Variants in HEATR5B observed in about 807,000 individuals in gnomAD.
HEATR5B encodes HEAT repeat-containing protein 5B.
Under a neutral mutation model 224.1 loss-of-function variants are expected in HEATR5B, and 156 were observed. That is an observed-to-expected ratio of 0.70 (90% CI 0.61 to 0.80). The LOEUF (loss-of-function observed/expected upper bound fraction) is 0.80. HEATR5B is among the 30% of genes least tolerant of loss of function. The pLI is 0.00. For missense variants in HEATR5B, 2,323 were observed against 2,535.5 expected, an observed-to-expected ratio of 0.92 and a Z score of 1.80; for synonymous variants, 1,027 against 893.0, an observed-to-expected ratio of 1.15 and a Z score of -2.68.
intron 20 of HEATR5B, among the ~76,000 whole-genome samples, chr2:37,039,144 T>C (rs899761400): frequency 2.8e-5 from 4 of 143,714 alleles, no homozygotes; most frequent in Non-Finnish European, 4.5e-5. Context: ...CTGGGCAACA[T>C]AGTGAGACCC....
intron 16 of HEATR5B, among the ~76,000 whole-genome samples, chr2:37,054,326 C>CTGGG (rs1670755979): frequency 6.6e-6 from 1 of 151,282 alleles, no homozygotes. Flanking sequence ...TCCCGAGTAG[C>CTGGG]ATGCGCCACC....
intron 21 of HEATR5B, 73 bp from the exon 22 acceptor site, chr2:37,032,846 A>C (rs1368115622): frequency 6.6e-6 from 8 of 1,214,512 alleles, no homozygotes; most frequent in Non-Finnish European, 9.2e-6. Flanking sequence ...TGCCCAATGA[A>C]TATATATATA....
At chr2:37,050,393 C>T (rs1414084949) in intron 17 of HEATR5B, among the ~76,000 whole-genome samples, 3 of 152,148 alleles carry the variant, frequency 2.0e-5, no homozygotes, top group Admixed American at 2.0e-4. Flanking sequence ...CCCTAAGAGA[C>T]ACTTGCGGGG....
chr2:37,049,950 G>T, intron 17 of HEATR5B, 107 bp from the exon 18 acceptor site: 1 of 1,059,864 alleles, frequency 9.4e-7, no homozygotes, highest in Non-Finnish European at 1.3e-6. Flanking sequence ...GAGTGCAATG[G>T]CACAATCACT....
intron 26 of HEATR5B, 128 bp from the exon 27 acceptor site, chr2:37,014,148 A>G (rs1428385169): frequency 6.4e-6 from 3 of 471,308 alleles, no homozygotes; most frequent in African/African-American, 2.0e-5. Flanking sequence ...AAACTACCCA[A>G]TGCTATGCTT....
intron 35 of HEATR5B, among the ~76,000 whole-genome samples, chr2:36,984,997 T>C (rs1665850303): frequency 1.3e-5 from 2 of 152,196 alleles, no homozygotes; most frequent in Admixed American, 1.3e-4. Flanking sequence ...ATAATTCTAA[T>C]ATTTTTAGCT....
intron 22 of HEATR5B, among the ~76,000 whole-genome samples, chr2:37,029,993 G>C (rs1245100855): frequency 1.3e-5 from 2 of 150,598 alleles, no homozygotes; most frequent in Non-Finnish European, 3.0e-5. Context: ...AAAATCCAAA[G>C]AGTAACAACA....
At chr2:37,031,987 G>A (rs1669162484) in intron 22 of HEATR5B, among the ~76,000 whole-genome samples, 1 of 151,664 alleles carries the variant, frequency 6.6e-6, no homozygotes, top group South Asian at 2.1e-4. Flanking sequence ...CTCCAAAAAA[G>A]CAGAAAGAAC....
At position 37,007,397 on chromosome 2, in the gene HEATR5B, G is replaced by A. The variant is rs938400290; in HGVS notation, c.4523-93C>T. The A allele has an allele frequency of 1.1e-5, 15 of 1,339,786 alleles. No individual in the cohort carries two copies. In the African/African-American group the frequency reaches 2.0e-4, roughly 18 times the overall value. 83.0% of individuals were successfully genotyped at this position (1,339,786 alleles called of 1,614,324 possible). ...CTCGTTCTGTCGCCCAGGCTGGAGTGCAATGGTGCGATCTTGGCTCACTGC... is the reference window on the plus strand; with the variant it reads ...CTCGTTCTGTCGCCCAGGCTGGAGTACAATGGTGCGATCTTGGCTCACTGC... On this transcript the variant is annotated intron_variant, in intron 28 of 35. Transcript: ENST00000233099.
chr2:37,056,734 T>A (rs1670935773), intron 15 of HEATR5B, 119 bp from the exon 16 acceptor site: 1 of 817,664 alleles, frequency 1.2e-6, no homozygotes, highest in Non-Finnish European at 1.8e-6. Flanking sequence ...AAAAGAATGA[T>A]TGGATCCGAA....
chr2:37,044,204 C>A (rs1193323120), intron 18 of HEATR5B, among the ~76,000 whole-genome samples: 1 of 152,120 alleles, frequency 6.6e-6, no homozygotes, highest in Admixed American at 6.6e-5. Context: ...GTAGTGGCTG[C>A]CATATTGACA....
intron 33 of HEATR5B, among the ~76,000 whole-genome samples, chr2:36,998,985 C>A (rs1666906368): frequency 6.6e-6 from 1 of 152,090 alleles, no homozygotes; most frequent in African/African-American, 2.4e-5. Context: ...GAGGCCGAGG[C>A]AGGAGGATCA....
Position 37,079,419 on chromosome 2 carries a change from G to A in HEATR5B, c.127-88C>T, listed in dbSNP as rs953159908. On this transcript the variant is annotated intron_variant, in intron 2 of 35. Transcript: ENST00000233099. ...AAATAAAAAACACTTAACACTTAAG[G>A]CACTCTAATAATTAAAAATCTATAT... 6.3e-6 allele frequency: 4 copies of A among 633,816 alleles called. No homozygotes were observed. The African/African-American group carries it at 7.4e-5, about 12-fold the overall frequency. 39.3% of individuals were successfully genotyped at this position (633,816 alleles called of 1,614,324 possible). A position where few individuals can be genotyped will look rare whatever the true frequency, so the allele number is the denominator to read the frequency against.
chr2:37,082,480 C>G (rs1280277012), intron 2 of HEATR5B, among the ~76,000 whole-genome samples: 1 of 152,174 alleles, frequency 6.6e-6, no homozygotes, highest in Non-Finnish European at 1.5e-5. Context: ...AATAAAATCT[C>G]TGCAGCACTG....
At chr2:37,055,549 G>A (rs1396667356) in intron 16 of HEATR5B, among the ~76,000 whole-genome samples, 1 of 152,056 alleles carries the variant, frequency 6.6e-6, no homozygotes, top group Non-Finnish European at 1.5e-5. Context: ...AGATATTTGG[G>A]TAAAGTTTCA....
intron 35 of HEATR5B, among the ~76,000 whole-genome samples, chr2:36,988,100 T>G (rs1365046646): frequency 6.6e-6 from 1 of 150,812 alleles, no homozygotes; most frequent in African/African-American, 2.4e-5. Flanking sequence ...CTATTAAACA[T>G]CTATATTTTT....
intron 18 of HEATR5B, among the ~76,000 whole-genome samples, chr2:37,045,430 G>C (rs1670127889): frequency 6.6e-6 from 1 of 152,098 alleles, no homozygotes; most frequent in Non-Finnish European, 1.5e-5. Context: ...AGCTTTTTTA[G>C]GGTGGGTCAG....
At chr2:37,051,064 A>T (rs1256300880) in intron 17 of HEATR5B, among the ~76,000 whole-genome samples, 2 of 151,036 alleles carry the variant, frequency 1.3e-5, no homozygotes, top group East Asian at 3.9e-4. Flanking sequence ...TAAATAAACT[A>T]ACAAATGAGG....
chr2:37,080,884 G>A (rs535756006), intron 2 of HEATR5B, among the ~76,000 whole-genome samples: 106 of 152,168 alleles, frequency 7.0e-4, no homozygotes, highest in Non-Finnish European at 1.2e-3. Context: ...GGGAAGCCAC[G>A]AACAGGAAGA....
Sources: gnomAD v4.1 joint callset for allele counts (sites outside exome capture counted in the v4.1 genomes callset) on GRCh38, gnomAD v4.1.1 for gene constraint, MANE v1.5 for transcripts, NCBI Gene and HGNC (gene_info 2026-07-23, HGNC 2026-07-21) for gene names.